Variants in SLC9A5 observed in about 807,000 individuals in gnomAD.
SLC9A5 encodes sodium/hydrogen exchanger 5.
In SLC9A5, 52 loss-of-function variants were observed where a neutral mutation model predicts 91.7. That is an observed-to-expected ratio of 0.57 (90% confidence interval 0.45 to 0.71). The LOEUF is 0.71. Among genes scored for constraint, SLC9A5 ranks in the 30% least tolerant of loss-of-function variants. The probability of loss-of-function intolerance (pLI) is 0.00; values close to 1 mark genes in which losing one functional copy is unlikely to be tolerated. For synonymous variants in SLC9A5, 419 were observed against 474.5 expected (o/e 0.88, Z 1.52); for missense variants, 871 against 1,158.9 (o/e 0.75, Z 3.61).
intron 12 of SLC9A5, among the ~76,000 whole-genome samples, chr16:67,260,379 A>AAAAAAAAAAAAAAAT (rs2035493125): frequency 6.9e-6 from 1 of 145,354 alleles, no homozygotes; most frequent in African/African-American, 2.5e-5. Flanking sequence ...AAAAAAAAAG[A>AAAAAAAAAAAAAAAT]GTGTGGGTTT....
rs2035377858 is a variant in SLC9A5 at position 67,257,847 on chromosome 16, ACTGT to A, written c.1496+250_1496+253del. ...CTCATCATGCTCTGCTCTGTCTTTG[ACTGT>A]CTGCCTGCTAATTCCATGGACCCTG... On this transcript the variant is annotated intron_variant, in intron 9 of 15. Coordinates refer to ENST00000299798, the MANE Select transcript of SLC9A5 (RefSeq NM_004594.3). The surrounding 1 kb of genome is among the most constrained non-coding windows in gnomAD (Gnocchi z 5.1). Among the ~76,000 whole-genome samples, 1 of 152,110 alleles carries A rather than the reference ACTGT, an allele frequency of 6.6e-6. No homozygotes were observed. The highest frequency in any genetic ancestry group is 2.1e-4 in the South Asian group (1 of 4,820).
Position 67,257,307 on chromosome 16 carries a change from T to C in SLC9A5, c.1336-38T>C, listed in dbSNP as rs766435467. On this transcript the variant is annotated intron_variant, in intron 7 of 15. Coordinates refer to ENST00000299798, the MANE Select transcript of SLC9A5 (RefSeq NM_004594.3). The surrounding 1 kb of genome is among the most constrained non-coding windows in gnomAD (Gnocchi z 5.1). ...GAGAGAAAGGCAGCAGGGAACTGAA[T>C]AGGAATAGGGCAGGGCTCACCTCCT... 1 of 1,553,778 alleles carries C rather than the reference T, an allele frequency of 6.4e-7. No individual in the cohort carries two copies.
At chr16:67,254,673 C>T (rs1358573643) in intron 2 of SLC9A5, among the ~76,000 whole-genome samples, 1 of 152,232 alleles carries the variant, frequency 6.6e-6, no homozygotes, top group African/African-American at 2.4e-5. Flanking sequence ...GCTGGGATTA[C>T]AGGCATGAGT....
At chr16:67,267,081 GTTTTTTTTTT>G (rs980874306) in intron 15 of SLC9A5, among the ~76,000 whole-genome samples, 1 of 47,746 alleles carries the variant, frequency 2.1e-5, no homozygotes, top group South Asian at 8.7e-4. Flanking sequence ...CCCAGCTGTT[GTTTTTTTTTT>G]TTTTTTTTTT....
Position 67,255,996 on chromosome 16 carries a change from G to A in SLC9A5, c.911+66G>A. 1 of 1,539,146 alleles carries A rather than the reference G, an allele frequency of 6.5e-7. No homozygotes were observed. Among genetic ancestry groups the A allele is most frequent in the South Asian group, 1.2e-5 (1 of 84,354 alleles). On this transcript the variant is annotated intron_variant, in intron 5 of 15. Transcript: ENST00000299798. This position sits in a 1 kb window ranked among gnomAD's most constrained non-coding sequence, Gnocchi z 4.9. ...GCACTGGAGATGGTTGCCCCTCATAGGGACACAGGCAGGAACTTCAGGAGT... is the reference window on the plus strand; with the variant it reads ...GCACTGGAGATGGTTGCCCCTCATAAGGACACAGGCAGGAACTTCAGGAGT...
intron 15 of SLC9A5, among the ~76,000 whole-genome samples, chr16:67,268,075 G>A (rs1273594854): frequency 6.6e-6 from 1 of 151,546 alleles, no homozygotes; most frequent in Non-Finnish European, 1.5e-5. Context: ...GCAGTGGTGC[G>A]ATCATAGCTC....
chr16:67,260,930 T>A (rs1009534319), intron 12 of SLC9A5, among the ~76,000 whole-genome samples: 2 of 152,172 alleles, frequency 1.3e-5, no homozygotes, highest in Admixed American at 6.5e-5. Flanking sequence ...CAGTCAAAGC[T>A]CTTTCTACTG....
In SLC9A5 at chr16:67,256,689, G is replaced by A. The variant is rs765827160; in HGVS notation, c.1132G>A (p.Gly378Ser). The change falls in exon 6 of 16, where the codon GGC (glycine) becomes AGC (serine). Residue 378 changes from glycine (G) to serine (S), a missense_variant and splice_region_variant. Gly to Ser is a moderately conservative substitution (Grantham distance 56). This residue lies in a region of SLC9A5 where 454 missense variants were observed against 718.3 expected (regional missense o/e 0.63). Transcript: ENST00000299798. This position sits in a 1 kb window ranked among gnomAD's most constrained non-coding sequence, Gnocchi z 4.1. ...CTTCATCCTGTTCTTCCGAGCCCTC[G>A]GTATTGCTGGCACCCTCTGCTTTCC... ...LIFILFFRAL[G>S]VVLQTWVLNQ... The A allele has an allele frequency of 5.6e-6, 9 of 1,609,010 alleles. No individual in the cohort carries two copies. The highest frequency in any genetic ancestry group is 6.8e-6 in the Non-Finnish European group (8 of 1,177,238).
rs1377369973 is a variant in SLC9A5 at position 67,270,309 on chromosome 16, C to A, written c.2219-429C>A. On this transcript the variant is annotated intron_variant, in intron 15 of 15. Transcript: ENST00000299798. The surrounding 1 kb of genome is among the most constrained non-coding windows in gnomAD (Gnocchi z 4.3). ...CAAGTGATTCTCTTGCCTCAGCCTC[C>A]CGAGTACCTGGGATTACAGGCGTGT... Among the ~76,000 whole-genome samples, 1 of 152,154 alleles carries A rather than the reference C, an allele frequency of 6.6e-6. No homozygotes were observed.
At position 67,249,069 on chromosome 16, in the gene SLC9A5, G is replaced by A. The variant is rs2035000269; in HGVS notation, c.55G>A (p.Glu19Lys). 3 of 1,520,698 alleles carry A rather than the reference G, an allele frequency of 2.0e-6. No individual in the cohort carries two copies. The highest frequency in any genetic ancestry group is 2.6e-5 in the East Asian group (1 of 38,144). 94.2% of individuals were successfully genotyped at this position (1,520,698 alleles called of 1,614,324 possible). ...GCTGCCCCTGGCGGGGGCGGCCGAA[G>A]AGCCCACCCAGAAGCCAGAGTCCCC... ...LALPLAGAAE[E>K]PTQKPESPGE... is the part of the protein sequence containing the mutation. The change falls in exon 1 of 16, where the codon GAG (glutamate) becomes AAG (lysine). Residue 19 changes from glutamate (E) to lysine (K), a missense_variant. By Grantham distance (56) the Glu-to-Lys change is moderately conservative. This residue lies in a region of SLC9A5 where 122 missense variants were observed against 114.5 expected (regional missense o/e 1.07). Transcript: ENST00000299798.
chr16:67,252,847 G>A lies in SLC9A5; in HGVS notation c.490+3G>A, dbSNP rs767601268. 2.5e-6 allele frequency: 4 copies of A among 1,610,002 alleles called. No individual in the cohort carries two copies. The highest frequency in any genetic ancestry group is 2.7e-5 in the African/African-American group (2 of 74,994). On this transcript the variant is annotated splice_donor_region_variant and intron_variant, in intron 2 of 15. Transcript: ENST00000299798. The surrounding 1 kb of genome is among the most constrained non-coding windows in gnomAD (Gnocchi z 4.0). ...CTTGCAGCAGGCTGGACTTGTAGGTGAGTGACCCTAAGACCTGGGCTTTGC... is the reference window on the plus strand; with the variant it reads ...CTTGCAGCAGGCTGGACTTGTAGGTAAGTGACCCTAAGACCTGGGCTTTGC...
Position 67,258,174 on chromosome 16 carries a change from G to T in SLC9A5, c.1497-144G>T. On this transcript the variant is annotated intron_variant, in intron 9 of 15. Transcript: ENST00000299798. The surrounding 1 kb of genome is among the most constrained non-coding windows in gnomAD (Gnocchi z 4.5). ...ACATTGTAAATTCCATGAGGGCAGG[G>T]ACTAGCCTTGAGATTCTCTCTGGCT... 4.2e-6 allele frequency: 3 copies of T among 722,416 alleles called. No homozygotes were observed. The South Asian group carries it at 5.2e-5, about 13-fold the overall frequency. 44.8% of individuals were successfully genotyped at this position (722,416 alleles called of 1,614,324 possible). A position where few individuals can be genotyped will look rare whatever the true frequency, so the allele number is the denominator to read the frequency against.
At chr16:67,266,867 T>TA (rs2035727178) in intron 15 of SLC9A5, among the ~76,000 whole-genome samples, 1 of 142,736 alleles carries the variant, frequency 7.0e-6, no homozygotes, top group African/African-American at 2.8e-5. Context: ...TTTTTTTTTT[T>TA]AAATGCCATT....
At chr16:67,267,091 T>TG (rs1215947900) in intron 15 of SLC9A5, among the ~76,000 whole-genome samples, 1 of 145,794 alleles carries the variant, frequency 6.9e-6, no homozygotes. Flanking sequence ...GTTTTTTTTT[T>TG]TTTTTTTTTT....
Position 67,257,197 on chromosome 16 carries a change from T to C in SLC9A5, c.1335+84T>C. 2 of 1,443,534 alleles carry C rather than the reference T, an allele frequency of 1.4e-6. No individual in the cohort carries two copies. Among genetic ancestry groups the C allele is most frequent in the Non-Finnish European group, 9.5e-7 (1 of 1,049,444 alleles). The allele number at this position is 1,443,534 out of a possible 1,614,324, so 89.4% of individuals were successfully genotyped here. ...GGAGCCTGTGGGACAGGGGCTTCTCTTCCCGCTGGGAGATGGAGGGCCCTG... is the reference window on the plus strand; with the variant it reads ...GGAGCCTGTGGGACAGGGGCTTCTCCTCCCGCTGGGAGATGGAGGGCCCTG... On this transcript the variant is annotated intron_variant, in intron 7 of 15. Transcript: ENST00000299798. The surrounding 1 kb of genome is among the most constrained non-coding windows in gnomAD (Gnocchi z 5.1).
At chr16:67,254,227 G>A (rs547795444) in intron 2 of SLC9A5, among the ~76,000 whole-genome samples, 2 of 152,268 alleles carry the variant, frequency 1.3e-5, no homozygotes, top group South Asian at 4.1e-4. Flanking sequence ...ACTATATTCA[G>A]TTCTCCACAC....
At chr16:67,260,724 C>G (rs1406215425) in intron 12 of SLC9A5, among the ~76,000 whole-genome samples, 4 of 152,194 alleles carry the variant, frequency 2.6e-5, no homozygotes, top group Non-Finnish European at 2.9e-5. Context: ...CCTCCTAGAC[C>G]AGCTTAGCCT....
Position 67,259,786 on chromosome 16 carries a change from C to G in SLC9A5, c.1716-34C>G, listed in dbSNP as rs758417713. On this transcript the variant is annotated intron_variant, in intron 11 of 15. Transcript: ENST00000299798. ...CCTTCTCCTGGACTGCCTCCTGCCCCCTCTCCAGCACATGTGTCCCCTGCC... is the reference window on the plus strand; with the variant it reads ...CCTTCTCCTGGACTGCCTCCTGCCCGCTCTCCAGCACATGTGTCCCCTGCC... The G allele has an allele frequency of 3.7e-6, 6 of 1,610,340 alleles. No homozygotes were observed. The Admixed American group carries it at 8.3e-5, about 22-fold the overall frequency.
At chr16:67,261,163 G>A (rs1267380026) in intron 12 of SLC9A5, 7 of 152,156 alleles carry the variant, frequency 4.6e-5, no homozygotes, top group Non-Finnish European at 4.4e-5. Flanking sequence ...GCCAGGGAAG[G>A]GCCTAGAAGC....
Sources: gnomAD v4.1 joint callset for allele counts (sites outside exome capture counted in the v4.1 genomes callset) on GRCh38, gnomAD v4.1.1 for gene constraint, gnomAD v4.1.1 regional missense constraint, Gnocchi (gnomAD v3.1) non-coding constraint, MANE v1.5 for transcripts, NCBI Gene and HGNC (gene_info 2026-07-23, HGNC 2026-07-21) for gene names.